Variants in COL21A1 observed in about 807,000 individuals in gnomAD.
The protein encoded by COL21A1 is collagen alpha-1(XXI) chain.
In COL21A1, 149 loss-of-function variants were observed where a neutral mutation model predicts 137.9. The ratio of observed to expected loss-of-function variants is 1.08; its 90% confidence interval spans 0.95 to 1.24. The LOEUF is 1.24. Among genes scored for constraint, COL21A1 ranks in the 50% most tolerant of loss-of-function variants. The probability of loss-of-function intolerance (pLI) is 0.00; values close to 1 mark genes in which losing one functional copy is unlikely to be tolerated. For synonymous variants in COL21A1, 456 were observed against 391.5 expected (o/e 1.16, Z -1.95); for missense variants, 1,167 against 1,158.4 (o/e 1.01, Z -0.11).
intron 16 of COL21A1, among the ~76,000 whole-genome samples, chr6:56,105,151 A>G (rs1770775221): frequency 6.6e-6 from 1 of 152,228 alleles, no homozygotes; most frequent in African/African-American, 2.4e-5. Flanking sequence ...ATCAGTGAGC[A>G]TACGAACTAG....
chr6:56,061,336 C>T (rs1472187225), intron 25 of COL21A1, among the ~76,000 whole-genome samples: 2 of 152,118 alleles, frequency 1.3e-5, no homozygotes, highest in Non-Finnish European at 2.9e-5. Flanking sequence ...CAGTCCTATT[C>T]ACAAGGAGCT....
At chr6:56,373,495 G>A (rs949725243) in intron 1 of COL21A1, among the ~76,000 whole-genome samples, 1 of 152,032 alleles carries the variant, frequency 6.6e-6, no homozygotes, top group Non-Finnish European at 1.5e-5. Flanking sequence ...CCAGCTACTC[G>A]GGAGGCTGAG....
chr6:56,204,046 T>A (rs750845185), intron 1 of COL21A1, among the ~76,000 whole-genome samples: 3 of 152,094 alleles, frequency 2.0e-5, no homozygotes, highest in Non-Finnish European at 2.9e-5. Context: ...GGTGGCCGTT[T>A]GGGCAGATAC....
chr6:56,237,985 G>A (rs1347380540), intron 1 of COL21A1, among the ~76,000 whole-genome samples: 1 of 151,966 alleles, frequency 6.6e-6, no homozygotes, highest in Non-Finnish European at 1.5e-5. Flanking sequence ...TAGACTACGT[G>A]GTTAGTCTAA....
chr6:56,293,989 G>A (rs1049619757), intron 1 of COL21A1, among the ~76,000 whole-genome samples: 10 of 152,044 alleles, frequency 6.6e-5, no homozygotes, highest in African/African-American at 2.4e-4. Flanking sequence ...AAGTGCATAT[G>A]GTGAAAACTG....
intron 1 of COL21A1, among the ~76,000 whole-genome samples, chr6:56,356,102 T>C (rs771400000): frequency 5.3e-5 from 8 of 152,178 alleles, no homozygotes; most frequent in Non-Finnish European, 1.0e-4. Flanking sequence ...ACCAATGTAA[T>C]GTATTCAAGC....
intron 12 of COL21A1, among the ~76,000 whole-genome samples, chr6:56,135,092 A>G (rs936537336): frequency 2.0e-5 from 3 of 152,156 alleles, no homozygotes; most frequent in African/African-American, 4.8e-5. Context: ...AGAATGTGAA[A>G]CCTTTCTATT....
chr6:56,108,776 A>G (rs890977371), intron 16 of COL21A1, among the ~76,000 whole-genome samples: 27 of 152,032 alleles, frequency 1.8e-4, no homozygotes, highest in African/African-American at 6.5e-4. Context: ...CACTCTGAAA[A>G]TAGAGATTTA....
intron 10 of COL21A1, among the ~76,000 whole-genome samples, chr6:56,147,529 G>T (rs1774927664): frequency 2.0e-5 from 3 of 151,754 alleles, no homozygotes; most frequent in Non-Finnish European, 4.4e-5. Context: ...CACCAACCGA[G>T]AACTCTAATA....
At chr6:56,108,989 G>A (rs1260175121) in intron 16 of COL21A1, among the ~76,000 whole-genome samples, 1 of 151,618 alleles carries the variant, frequency 6.6e-6, no homozygotes, top group East Asian at 1.9e-4. Flanking sequence ...TTAGGAAACA[G>A]AGAAAAACTA....
At chr6:56,306,735 A>G (rs902050780) in intron 1 of COL21A1, among the ~76,000 whole-genome samples, 38 of 150,480 alleles carry the variant, frequency 2.5e-4, no homozygotes, top group African/African-American at 8.5e-4. Flanking sequence ...TCAACTCGTC[A>G]AAGTCATTCT....
intron 12 of COL21A1, among the ~76,000 whole-genome samples, chr6:56,134,141 A>C (rs896361337): frequency 3.9e-5 from 6 of 152,322 alleles, no homozygotes; most frequent in African/African-American, 1.4e-4. Flanking sequence ...TCAATGCCAG[A>C]CTGTGAAAGC....
intron 1 of COL21A1, among the ~76,000 whole-genome samples, chr6:56,345,259 A>G (rs1430744081): frequency 6.6e-6 from 1 of 152,206 alleles, no homozygotes; most frequent in African/African-American, 2.4e-5. Context: ...AAAGAATGCA[A>G]CTGTGAAATA....
intron 1 of COL21A1, among the ~76,000 whole-genome samples, chr6:56,298,005 G>A (rs1217467501): frequency 3.3e-5 from 5 of 151,934 alleles, no homozygotes; most frequent in African/African-American, 1.2e-4. Context: ...AGAATATCTG[G>A]CTCTAACACT....
At chr6:56,300,286 T>G (rs1050982364) in intron 1 of COL21A1, among the ~76,000 whole-genome samples, 1 of 151,774 alleles carries the variant, frequency 6.6e-6, no homozygotes, top group African/African-American at 2.4e-5. Context: ...GAGTGGAGAG[T>G]GGAATTAGAT....
At chr6:56,113,704 T>A (rs73461322) in intron 16 of COL21A1, among the ~76,000 whole-genome samples, 1 of 152,046 alleles carries the variant, frequency 6.6e-6, no homozygotes, top group South Asian at 2.1e-4. Flanking sequence ...GGAAACTCTG[T>A]ATTACACCTT....
intron 1 of COL21A1, among the ~76,000 whole-genome samples, chr6:56,361,678 A>G (rs1765968637): frequency 6.8e-6 from 1 of 147,966 alleles, no homozygotes; most frequent in South Asian, 2.3e-4. Context: ...TAAATTAGGA[A>G]CGAAAGATCC....
intron 7 of COL21A1, 111 bp downstream of exon 7, chr6:56,166,795 A>G: frequency 1.2e-6 from 1 of 854,964 alleles, no homozygotes; most frequent in South Asian, 1.5e-5. Context: ...ACATTAAAAA[A>G]TAAAATTAAG....
chr6:56,334,076 A>G (rs994909014), intron 1 of COL21A1, among the ~76,000 whole-genome samples: 1 of 152,188 alleles, frequency 6.6e-6, no homozygotes, highest in Non-Finnish European at 1.5e-5. Context: ...GCTAAGAGCT[A>G]TAGAAAGAGG....
Sources: gnomAD v4.1 joint callset for allele counts (sites outside exome capture counted in the v4.1 genomes callset) on GRCh38, gnomAD v4.1.1 for gene constraint, MANE v1.5 for transcripts, NCBI Gene and HGNC (gene_info 2026-07-23, HGNC 2026-07-21) for gene names.